NOL8: variants seen among roughly 807,000 people sequenced by gnomAD.
NOL8 encodes the protein nucleolar protein 8.
A neutral mutation model predicts 116.1 loss-of-function variants in NOL8; 93 were observed. The observed-to-expected ratio is 0.80, with a 90% CI of 0.68 to 0.95. The LOEUF is 0.95. NOL8 is among the 40% of genes least tolerant of loss of function. The pLI is 0.00. For missense variants in NOL8, 1,291 were observed against 1,382.8 expected, an observed-to-expected ratio of 0.93 and a Z score of 1.05; for synonymous variants, 419 against 469.0, an observed-to-expected ratio of 0.89 and a Z score of 1.38.
intron 5 of NOL8, 86 bp downstream of exon 5, chr9:92,319,135 T>C: frequency 7.1e-7 from 1 of 1,401,766 alleles, no homozygotes; most frequent in Non-Finnish European, 9.4e-7. Flanking sequence ...GAGTAACTGG[T>C]TTTAGACATG....
At chr9:92,306,516 A>G (rs1412788882) in intron 11 of NOL8, among the ~76,000 whole-genome samples, 1 of 152,168 alleles carries the variant, frequency 6.6e-6, no homozygotes, top group Admixed American at 6.5e-5. Flanking sequence ...CAGGGCTTTC[A>G]TTACCTGGTG....
intron 11 of NOL8, 120 bp downstream of exon 11, chr9:92,306,766 T>A: frequency 2.4e-6 from 2 of 827,368 alleles, no homozygotes; most frequent in Non-Finnish European, 3.9e-6. Flanking sequence ...TTTAAGGGTC[T>A]GATACATATT....
chr9:92,306,391 T>C (rs1838262997), intron 11 of NOL8, among the ~76,000 whole-genome samples: 1 of 152,212 alleles, frequency 6.6e-6, no homozygotes, highest in Non-Finnish European at 1.5e-5. Context: ...GATAAAATGA[T>C]ATACTATCTG....
chr9:92,317,090 C>T (rs768885415), intron 6 of NOL8, among the ~76,000 whole-genome samples: 1 of 152,116 alleles, frequency 6.6e-6, no homozygotes, highest in Non-Finnish European at 1.5e-5. Context: ...GTGGCAGGGA[C>T]CACAGGCATG....
At chr9:92,313,021 C>A (rs1418904723) in intron 7 of NOL8, among the ~76,000 whole-genome samples, 1 of 151,518 alleles carries the variant, frequency 6.6e-6, no homozygotes, top group Admixed American at 6.6e-5. Context: ...AACCCAATCT[C>A]AAACTGAACA....
Position 92,319,243 on chromosome 9 carries a change from C to A in NOL8, c.395G>T (p.Gly132Val). Reference protein sequence around the residue: ...GVDFHMKAVPGTEVPGHKNWV... With the variant: ...GVDFHMKAVPVTEVPGHKNWV... The stretch of plus-strand genomic sequence containing the variant: ...CACCTTATGCCCTGGCACTTCTGTC[C>A]CTGGCACAGCTTTCATATGGAAATC... Residue 132 changes from glycine (G) to valine (V), a missense_variant, in exon 5 of 17, where the codon GGG becomes GTG. Coordinates refer to ENST00000442668, the MANE Select transcript of NOL8 (RefSeq NM_017948.6). 6.3e-7 allele frequency: 1 copy of A among 1,580,402 alleles called. No individual in the cohort carries two copies. The highest frequency in any genetic ancestry group is 8.6e-7 in the Non-Finnish European group (1 of 1,166,900).
At chr9:92,300,492 G>A (rs938771772) in intron 13 of NOL8, 6 of 990,342 alleles carry the variant, frequency 6.1e-6, no homozygotes, top group Non-Finnish European at 6.0e-6. Flanking sequence ...TATAAGATCA[G>A]GACAATCACC....
chr9:92,316,672 T>C (rs1436280305), intron 6 of NOL8, among the ~76,000 whole-genome samples: 1 of 152,142 alleles, frequency 6.6e-6, no homozygotes, highest in East Asian at 1.9e-4. Flanking sequence ...ATTAGAAAGC[T>C]GGCCTGGGCA....
Position 92,315,036 on chromosome 9 carries a change from G to T in NOL8, c.1589C>A (p.Thr530Asn), listed in dbSNP as rs1839242160. 3 of 1,613,958 alleles carry T rather than the reference G, an allele frequency of 1.9e-6. No individual in the cohort carries two copies. Among genetic ancestry groups the T allele is most frequent in the South Asian group, 1.1e-5 (1 of 91,090 alleles). ...ACACTGTCGGCCTCTGCGGAGGCCA[G>T]TGGGAGTCTTGGGGCTCTTGGAGCC... is the stretch of plus-strand genomic sequence containing the variant. The part of the protein sequence containing the change: ...DRGSKSPKTP[T>N]GLRRGRQCIR... The change falls in exon 7 of 17, where the codon ACT (threonine) becomes AAT (asparagine). Residue 530 changes from threonine to asparagine, a missense_variant. Physicochemically the swap from Thr to Asn is moderately conservative, Grantham distance 65. Transcript: ENST00000442668.
At chr9:92,303,426 C>T (rs1013418998) in intron 12 of NOL8, among the ~76,000 whole-genome samples, 1 of 152,254 alleles carries the variant, frequency 6.6e-6, no homozygotes, top group South Asian at 2.1e-4. Flanking sequence ...ATTTCAGTGT[C>T]CTTTAATAGT....
At position 92,297,764 on chromosome 9, in the gene NOL8, A is replaced by G. The variant is rs570529170; in HGVS notation, c.*72T>C. On this transcript the variant is annotated 3_prime_UTR_variant, in exon 17 of 17. Coordinates refer to ENST00000442668, the MANE Select transcript of NOL8 (RefSeq NM_017948.6). ...CTCTGAAATTTCTTCTTTGTCAGCT[A>G]AAACTGTTTTCTGGGTCAGTTTCCT... 1.7e-6 allele frequency: 2 copies of G among 1,150,900 alleles called. No homozygotes were observed. The highest frequency in any genetic ancestry group is 2.8e-5 in the East Asian group (1 of 35,828). 71.3% of individuals were successfully genotyped at this position (1,150,900 alleles called of 1,614,324 possible). A position where few individuals can be genotyped will look rare whatever the true frequency, so the allele number is the denominator to read the frequency against.
chr9:92,319,734 A>T (rs1341797312), intron 4 of NOL8, among the ~76,000 whole-genome samples: 1 of 152,250 alleles, frequency 6.6e-6, no homozygotes, highest in Non-Finnish European at 1.5e-5. Context: ...CTTTGAAAAC[A>T]TCACTATGAT....
rs911801433 is a variant in NOL8 at position 92,301,427 on chromosome 9, A to G, written c.3175+124T>C. The stretch of plus-strand genomic sequence containing the variant: ...ATGCTCCTGTGACACTAAATCTCAA[A>G]TCTTCTAGGTAGAAGAAAGAGTCCT... On this transcript the variant is annotated intron_variant, in intron 13 of 16. Coordinates refer to ENST00000442668, the MANE Select transcript of NOL8 (RefSeq NM_017948.6). The G allele has an allele frequency of 4.1e-6, 3 of 733,696 alleles. No homozygotes were observed. The African/African-American group carries it at 5.6e-5, about 14-fold the overall frequency. The allele number at this position is 733,696 out of a possible 1,614,324, so 45.4% of individuals were successfully genotyped here.
At chr9:92,308,625 C>G (rs533253627) in intron 10 of NOL8, among the ~76,000 whole-genome samples, 19 of 152,260 alleles carry the variant, frequency 1.2e-4, no homozygotes, top group African/African-American at 4.6e-4. Flanking sequence ...TAGGGACTTA[C>G]AGAACCCTGG....
Position 92,301,406 on chromosome 9 carries a change from T to G in NOL8, c.3175+145A>C, listed in dbSNP as rs1435238823. ...AGCTTCAGGAACATCGTGTTTATGC[T>G]CCTGTGACACTAAATCTCAAATCTT... On this transcript the variant is annotated intron_variant, in intron 13 of 16. Transcript: ENST00000442668. 9.3e-6 allele frequency: 6 copies of G among 648,332 alleles called. No homozygotes were observed. The South Asian group carries it at 1.3e-4, about 15-fold the overall frequency. The allele number at this position is 648,332 out of a possible 1,614,324, so 40.2% of individuals were successfully genotyped here.
At chr9:92,298,033 A>AT in intron 16 of NOL8, 147 bp from the exon 17 acceptor site, 1 of 747,126 alleles carries the variant, frequency 1.3e-6, no homozygotes, top group Non-Finnish European at 2.2e-6. Context: ...GGATATTGGC[A>AT]TTTTTGGCAT....
At chr9:92,303,336 G>A (rs1837912909) in intron 12 of NOL8, among the ~76,000 whole-genome samples, 1 of 152,128 alleles carries the variant, frequency 6.6e-6, no homozygotes, top group Non-Finnish European at 1.5e-5. Flanking sequence ...TGAACTGCAA[G>A]TTAAGGAATT....
At chr9:92,311,043 C>T in intron 8 of NOL8, 103 bp downstream of exon 8, 2 of 890,698 alleles carry the variant, frequency 2.2e-6, no homozygotes, top group Non-Finnish European at 3.5e-6. Flanking sequence ...CCCTGGGTCT[C>T]ATTGGGGCTC....
chr9:92,318,963 T>C, intron 5 of NOL8: 3 of 515,542 alleles, frequency 5.8e-6, no homozygotes, highest in Non-Finnish European at 1.0e-5. Context: ...GGGACCTGCC[T>C]GTATTCCTTG....
Sources: allele counts gnomAD v4.1 joint callset (sites outside exome capture counted in the v4.1 genomes callset), GRCh38; gene constraint gnomAD v4.1.1; transcripts MANE v1.5; gene names NCBI Gene and HGNC (gene_info 2026-07-23, HGNC 2026-07-21).